Variants in HEXB observed in about 807,000 individuals in gnomAD.
HEXB encodes hexosaminidase subunit beta.
A neutral mutation model predicts 71.2 loss-of-function variants in HEXB; 51 were observed. The observed-to-expected ratio is 0.72, with a 90% confidence interval of 0.57 to 0.90. The LOEUF (loss-of-function observed/expected upper bound fraction) is 0.90. Among genes scored for constraint, HEXB ranks in the 40% least tolerant of loss-of-function variants. HEXB has a pLI of 0.00. For synonymous variants in HEXB, 266 were observed against 249.3 expected (o/e 1.07, Z -0.63); for missense variants, 617 against 677.0 (o/e 0.91, Z 0.98).
chr5:74,708,325 G>A (rs181075814), intron 6 of HEXB, among the ~76,000 whole-genome samples: 2,014 of 151,888 alleles, frequency 0.013, 45 homozygotes, highest in African/African-American at 0.046. Flanking sequence ...AGTACCAGCC[G>A]CTGCAAAATC....
chr5:74,721,127 A>G lies in HEXB; in HGVS notation c.1623A>G (p.Ile541Met). ...RHRCRMVERG[I>M]AAQPLYAGYC... ...TTCATGTTATCTACAGACGTGGAAT[A>G]GCTGCACAACCTCTTTATGCTGGAT... The change falls in exon 14 of 14, where the codon ATA becomes ATG. Residue 541 changes from isoleucine to methionine, a missense_variant. By Grantham distance (10) the Ile-to-Met change is conservative. Coordinates refer to ENST00000261416, the MANE Select transcript of HEXB (RefSeq NM_000521.4). The G allele has an allele frequency of 6.2e-7, 1 of 1,612,266 alleles. No individual in the cohort carries two copies. The highest frequency in any genetic ancestry group is 1.7e-4 in the Middle Eastern group (1 of 6,054).
At chr5:74,715,444 T>C in intron 7 of HEXB, 66 bp from the exon 8 acceptor site, 2 of 1,086,604 alleles carry the variant, frequency 1.8e-6, no homozygotes, top group Non-Finnish European at 2.8e-6. Flanking sequence ...AGTAAAATCA[T>C]GTGGAAAACC....
At chr5:74,682,219 G>A (rs533180638), upstream of HEXB, among the ~76,000 whole-genome samples, 17 of 152,326 alleles carry the variant, frequency 1.1e-4, no homozygotes, top group South Asian at 2.9e-3. Context: ...TTAGCCGGGC[G>A]TGGTGGCGGG....
At chr5:74,694,595 G>A (rs1440200961) in intron 3 of HEXB, among the ~76,000 whole-genome samples, 2 of 152,158 alleles carry the variant, frequency 1.3e-5, no homozygotes, top group East Asian at 3.9e-4. Flanking sequence ...ATAAGATACT[G>A]TACTGACTTC....
At chr5:74,715,432 G>A (rs905567597) in intron 7 of HEXB, 78 bp from the exon 8 acceptor site, 97 of 949,692 alleles carry the variant, frequency 1.0e-4, no homozygotes, top group African/African-American at 1.8e-4. Context: ...ATAAAATGAC[G>A]TAGTAAAATC....
upstream of HEXB, among the ~76,000 whole-genome samples, chr5:74,682,459 C>T (rs1748757656): frequency 6.6e-6 from 1 of 152,208 alleles, no homozygotes; most frequent in South Asian, 2.1e-4. Context: ...ATAATCTAAT[C>T]CAGAATCACC....
At chr5:74,661,885 T>A (rs1475526971) in intron 1 of HEXB, among the ~76,000 whole-genome samples, 1 of 152,224 alleles carries the variant, frequency 6.6e-6, no homozygotes, top group Admixed American at 6.5e-5. Context: ...AGCAGGAGTC[T>A]TGAGCAGCCT....
At chr5:74,717,007 T>A (rs912222968) in intron 9 of HEXB, among the ~76,000 whole-genome samples, 1 of 152,104 alleles carries the variant, frequency 6.6e-6, no homozygotes, top group Non-Finnish European at 1.5e-5. Flanking sequence ...CTGGCCAACA[T>A]GGTGAAATCC....
At position 74,718,273 on chromosome 5, in the gene HEXB, AT is replaced by A. The variant is rs781099013; in HGVS notation, c.1170-11del. The A allele has an allele frequency of 1.8e-5, 26 of 1,462,576 alleles. No individual in the cohort carries two copies. The highest frequency in any genetic ancestry group is 2.3e-5 in the South Asian group (2 of 87,938). 90.6% of individuals were successfully genotyped at this position (1,462,576 alleles called of 1,614,324 possible). ...AAGCTTATGATCTAAAATAACTATA[AT>A]TTTTTTGTAATACTAGGGTTTTGGA... On this transcript the variant is annotated splice_polypyrimidine_tract_variant and intron_variant, in intron 9 of 13. Transcript: ENST00000261416.
intron 1 of HEXB, among the ~76,000 whole-genome samples, chr5:74,676,882 GTTTGT>G (rs771201139): frequency 1.8e-4 from 27 of 152,066 alleles, no homozygotes; most frequent in African/African-American, 4.1e-4. Flanking sequence ...CTGGTTTTTT[GTTTGT>G]TTTGTTTTGT....
intron 11 of HEXB, chr5:74,720,105 G>T (rs1749787269): frequency 1.5e-5 from 5 of 335,926 alleles, no homozygotes; most frequent in Middle Eastern, 9.6e-4. Flanking sequence ...TTAAAAAATG[G>T]TTTCTGGTGT....
At chr5:74,674,331 T>C (rs934353518) in intron 1 of HEXB, among the ~76,000 whole-genome samples, 1 of 151,868 alleles carries the variant, frequency 6.6e-6, no homozygotes, top group East Asian at 1.9e-4. Flanking sequence ...CAGCCAGGCG[T>C]GGTGGCTCAA....
chr5:74,682,746 G>C (rs921365525), upstream of HEXB, among the ~76,000 whole-genome samples: 1 of 152,176 alleles, frequency 6.6e-6, no homozygotes, highest in East Asian at 1.9e-4. Context: ...TATAAGAATA[G>C]GGGAGAATAG....
At chr5:74,712,197 C>A (rs988160544) in intron 6 of HEXB, among the ~76,000 whole-genome samples, 1 of 148,538 alleles carries the variant, frequency 6.7e-6, no homozygotes, top group Non-Finnish European at 1.5e-5. Context: ...AGCCAAACAC[C>A]GCATATTCTC....
chr5:74,694,844 C>G lies in HEXB; in HGVS notation c.511+1140C>G, dbSNP rs534514046. ...AATGAGCCAGGCATGGTGGCGCATG[C>G]CTGTAATCCCAACTACTTGGGAGGG... On this transcript the variant is annotated intron_variant, in intron 3 of 13. Coordinates refer to ENST00000261416, the MANE Select transcript of HEXB (RefSeq NM_000521.4). Among the ~76,000 whole-genome samples the G allele has an allele frequency of 7.9e-5, 12 of 152,010 alleles. No individual in the cohort carries two copies. In the East Asian group the frequency reaches 2.1e-3, roughly 27 times the overall value.
At chr5:74,699,059 C>T (rs1397702045) in intron 5 of HEXB, among the ~76,000 whole-genome samples, 1 of 151,938 alleles carries the variant, frequency 6.6e-6, no homozygotes, top group African/African-American at 2.4e-5. Context: ...GTGGTGCACG[C>T]CTGTAATTCC....
At chr5:74,649,016 G>A (rs1267380351) in intron 1 of HEXB, among the ~76,000 whole-genome samples, 3 of 152,082 alleles carry the variant, frequency 2.0e-5, no homozygotes, top group Non-Finnish European at 4.4e-5. Context: ...TTATAGAAGG[G>A]TCTGAAGATA....
chr5:74,715,803 G>A, intron 8 of HEXB, 113 bp downstream of exon 8: 1 of 757,858 alleles, frequency 1.3e-6, no homozygotes, highest in Non-Finnish European at 2.3e-6. Context: ...GATCACCTGA[G>A]GTCAGGAGTT....
At position 74,715,490 on chromosome 5, in the gene HEXB, A is replaced by G; in HGVS notation, c.902-20A>G. The G allele has an allele frequency of 6.5e-7, 1 of 1,541,028 alleles. No individual in the cohort carries two copies. Among genetic ancestry groups the G allele is most frequent in the Non-Finnish European group, 9.0e-7 (1 of 1,113,694 alleles). On this transcript the variant is annotated intron_variant, in intron 7 of 13. Transcript: ENST00000261416. ...AATGAGTACACTTCTTTTAAAAAGA[A>G]TCTTAATATTTTCTTCTAGGTCAGA...
Sources: gnomAD v4.1 joint callset for allele counts (sites outside exome capture counted in the v4.1 genomes callset) on GRCh38, gnomAD v4.1.1 for gene constraint, MANE v1.5 for transcripts, NCBI Gene and HGNC (gene_info 2026-07-23, HGNC 2026-07-21) for gene names.